The following KCTD3 variants were observed in gnomAD, a reference collection of about 807,000 sequenced individuals.
KCTD3 encodes BTB/POZ domain-containing protein KCTD3.
KCTD3 carries 41 observed loss-of-function variants against 85.8 expected under a neutral mutation model. The ratio of observed to expected loss-of-function variants is 0.48; its 90% confidence interval spans 0.37 to 0.62. KCTD3 has a LOEUF of 0.62. Among genes scored for constraint, KCTD3 ranks in the 20% least tolerant of loss-of-function variants. KCTD3 has a pLI of 0.00. For missense variants in KCTD3, 724 were observed against 989.9 expected (o/e 0.73, Z 3.60); for synonymous variants, 338 against 345.4 (o/e 0.98, Z 0.24).
In KCTD3 at chr1:215,588,837, A is replaced by C. The variant is rs574623066; in HGVS notation, c.817+2152A>C. On this transcript the variant is annotated intron_variant, in intron 9 of 17. Coordinates refer to ENST00000259154, the MANE Select transcript of KCTD3 (RefSeq NM_016121.5). ...AAGGCAAAAATACAATTCTACAGAC[A>C]AGAGATTGACTCTCTGCCAAATCTT... Among the ~76,000 whole-genome samples the C allele has an allele frequency of 2.0e-5, 3 of 152,336 alleles. No individual in the cohort carries two copies. In the East Asian group the frequency reaches 5.8e-4, roughly 29 times the overall value.
At chr1:215,611,728 G>T in intron 14 of KCTD3, 97 bp from the exon 15 acceptor site, 1 of 760,546 alleles carries the variant, frequency 1.3e-6, no homozygotes, top group Non-Finnish European at 2.1e-6. Context: ...GTACGTATAA[G>T]AAATTCTTTT....
chr1:215,594,485 C>T (rs776129807), intron 9 of KCTD3, among the ~76,000 whole-genome samples: 11 of 152,310 alleles, frequency 7.2e-5, no homozygotes, highest in Non-Finnish European at 1.2e-4. Context: ...TGCCCATATT[C>T]AGTCTCCCAA....
At position 215,579,936 on chromosome 1, in the gene KCTD3, T is replaced by G. The variant is rs747264194; in HGVS notation, c.563T>G (p.Leu188Arg). The change falls in exon 8 of 18, where the codon CTA (leucine) becomes CGA (arginine). Residue 188 changes from leucine (L) to arginine (R), a missense_variant. By Grantham distance (102) the Leu-to-Arg change is moderately radical. Transcript: ENST00000259154. ...LGFPVDPRKV[L>R]IVAGHHNWIV... ...TTTCCTGTGGATCCACGAAAGGTGC[T>G]AATAGTAGCTGGCCATCACAACTGG... is the stretch of plus-strand genomic sequence containing the variant. 1 of 1,613,498 alleles carries G rather than the reference T, an allele frequency of 6.2e-7. No homozygotes were observed. The highest frequency in any genetic ancestry group is 1.1e-5 in the South Asian group (1 of 91,070).
At chr1:215,582,642 A>C (rs1412255644) in intron 8 of KCTD3, among the ~76,000 whole-genome samples, 1 of 152,060 alleles carries the variant, frequency 6.6e-6, no homozygotes, top group African/African-American at 2.4e-5. Context: ...GGTCACTGCA[A>C]CACCTGCCTC....
In KCTD3 at chr1:215,594,921, G is replaced by C. The variant is rs569541886; in HGVS notation, c.818-435G>C. On this transcript the variant is annotated intron_variant, in intron 9 of 17. Coordinates refer to ENST00000259154, the MANE Select transcript of KCTD3 (RefSeq NM_016121.5). ...TAAGGCTGCCAAGTCTGTGTGTTCA[G>C]ATCACTAGTTCTTAAATATCGGGTC... 2.6e-5 allele frequency among the ~76,000 whole-genome samples: 4 copies of C among 152,238 alleles called. No homozygotes were observed. In the South Asian group the frequency reaches 8.3e-4, roughly 32 times the overall value.
intron 9 of KCTD3, among the ~76,000 whole-genome samples, chr1:215,587,342 G>T (rs1481454375): frequency 6.6e-6 from 1 of 151,960 alleles, no homozygotes; most frequent in African/African-American, 2.4e-5. Context: ...TGTTAGCCAG[G>T]ATGGTCTCGA....
chr1:215,575,021 G>A (rs1019159298), intron 3 of KCTD3, among the ~76,000 whole-genome samples: 1 of 152,130 alleles, frequency 6.6e-6, no homozygotes, highest in Non-Finnish European at 1.5e-5. Context: ...GGAGGTCGAG[G>A]CAAGTGGATT....
chr1:215,591,053 G>T (rs1350000658), intron 9 of KCTD3, among the ~76,000 whole-genome samples: 2 of 151,984 alleles, frequency 1.3e-5, no homozygotes, highest in Admixed American at 6.6e-5. Flanking sequence ...CCTTTTCAAG[G>T]CTGTAGTTCT....
At chr1:215,574,003 G>C in intron 2 of KCTD3, 70 bp from the exon 3 acceptor site, 2 of 1,170,672 alleles carry the variant, frequency 1.7e-6, no homozygotes, top group South Asian at 1.5e-5. Flanking sequence ...TTTAACATTT[G>C]GTAAAGAATT....
chr1:215,616,790 G>A (rs1655468129), intron 15 of KCTD3, among the ~76,000 whole-genome samples: 1 of 152,202 alleles, frequency 6.6e-6, no homozygotes, highest in African/African-American at 2.4e-5. Flanking sequence ...TCCTTTGTGT[G>A]ATATTGTGAA....
At chr1:215,580,114 G>A (rs1024048063) in intron 8 of KCTD3, 115 bp downstream of exon 8, 3 of 659,202 alleles carry the variant, frequency 4.6e-6, no homozygotes, top group African/African-American at 3.7e-5. Flanking sequence ...TTTTTTCCCT[G>A]CATATTTTAC....
chr1:215,586,754 C>A, intron 9 of KCTD3, 69 bp downstream of exon 9: 1 of 1,279,830 alleles, frequency 7.8e-7, no homozygotes, highest in Non-Finnish European at 1.1e-6. Flanking sequence ...AAGAGATTGA[C>A]ACTGAATATG....
intron 9 of KCTD3, among the ~76,000 whole-genome samples, chr1:215,587,846 A>G (rs917119613): frequency 6.6e-6 from 1 of 152,176 alleles, no homozygotes; most frequent in African/African-American, 2.4e-5. Context: ...CTTTGAGTGG[A>G]TCTTTTATCA....
intron 14 of KCTD3, among the ~76,000 whole-genome samples, chr1:215,610,410 A>T (rs547851109): frequency 6.6e-6 from 1 of 152,060 alleles, no homozygotes; most frequent in African/African-American, 2.4e-5. Context: ...GAAAGGAGCC[A>T]GTTTGGGAAG....
chr1:215,570,743 T>G (rs1365607831), intron 1 of KCTD3, among the ~76,000 whole-genome samples: 2 of 152,190 alleles, frequency 1.3e-5, no homozygotes, highest in Admixed American at 1.3e-4. Context: ...CCAAGTTAAT[T>G]TAGTAGGAGG....
chr1:215,604,657 A>AT lies in KCTD3; in HGVS notation c.1309+372dup, dbSNP rs79700903. ...AATATACTTAAATTTAGGAGATGTG[A>AT]TTTTTTTTTTTTTTTTTGCTCTCTT... On this transcript the variant is annotated intron_variant, in intron 13 of 17. Coordinates refer to ENST00000259154, the MANE Select transcript of KCTD3 (RefSeq NM_016121.5). Among the ~76,000 whole-genome samples the AT allele has an allele frequency of 9.1e-3, 1,202 of 132,650 alleles. 6 individuals are homozygous for AT. The highest frequency in any genetic ancestry group is 0.017 in the African/African-American group (633 of 36,496). 87.0% of individuals were successfully genotyped at this position (132,650 alleles called of 152,430 possible).
At chr1:215,580,692 A>G (rs1300685683) in intron 8 of KCTD3, among the ~76,000 whole-genome samples, 3 of 152,156 alleles carry the variant, frequency 2.0e-5, no homozygotes, top group Non-Finnish European at 4.4e-5. Flanking sequence ...ACTAGCTTAG[A>G]TTATTATTTC....
Position 215,567,785 on chromosome 1 carries a change from C to A in KCTD3, c.83+17C>A, listed in dbSNP as rs2102546521. 8.1e-7 allele frequency: 1 copy of A among 1,238,636 alleles called. No individual in the cohort carries two copies. 76.7% of individuals were successfully genotyped at this position (1,238,636 alleles called of 1,614,324 possible). A position where few individuals can be genotyped will look rare whatever the true frequency, so the allele number is the denominator to read the frequency against. On this transcript the variant is annotated intron_variant, in intron 1 of 17. Transcript: ENST00000259154. ...GGGGACCAGGTGAGTCGGCGGGTAG[C>A]GGGCTTGCAGCGGGGATGCCTTGGC...
intron 15 of KCTD3, among the ~76,000 whole-genome samples, chr1:215,613,774 T>C (rs1283783961): frequency 6.6e-6 from 1 of 152,148 alleles, no homozygotes; most frequent in Non-Finnish European, 1.5e-5. Flanking sequence ...CCCCATTGTT[T>C]ATTATCAGCT....
Sources: allele counts gnomAD v4.1 joint callset (sites outside exome capture counted in the v4.1 genomes callset), GRCh38; gene constraint gnomAD v4.1.1; transcripts MANE v1.5; gene names NCBI Gene and HGNC (gene_info 2026-07-23, HGNC 2026-07-21).